Variants in SLFN13 observed in about 807,000 individuals in gnomAD.
The protein encoded by SLFN13 is schlafen-13.
A neutral mutation model predicts 50.6 loss-of-function variants in SLFN13; 43 were observed. The ratio of observed to expected loss-of-function variants is 0.85; its 90% CI spans 0.67 to 1.09. The LOEUF is 1.09. SLFN13 is among the 50% of genes least tolerant of loss of function. SLFN13 has a pLI of 0.00. For missense variants in SLFN13, 881 were observed against 1,071.1 expected (o/e 0.82, Z 2.48); for synonymous variants, 339 against 386.5 (o/e 0.88, Z 1.44).
At chr17:35,446,146 AAAG>A (rs1410484168) in intron 2 of SLFN13, 1 of 153,170 alleles carries the variant, frequency 6.5e-6, no homozygotes, top group East Asian at 1.9e-4. Context: ...AAGATAAGTA[AAAG>A]AAGACCACAT....
intron 2 of SLFN13, among the ~76,000 whole-genome samples, chr17:35,446,311 C>T (rs535296725): frequency 6.6e-6 from 1 of 152,246 alleles, no homozygotes; most frequent in East Asian, 1.9e-4. Context: ...TAGGTAATGA[C>T]TGGAAAGTGT....
intron 4 of SLFN13, among the ~76,000 whole-genome samples, chr17:35,442,765 CA>C (rs1912990365): frequency 6.6e-6 from 1 of 152,166 alleles, no homozygotes; most frequent in African/African-American, 2.4e-5. Flanking sequence ...CTTTAACCCA[CA>C]ACCTACAAAT....
rs1183893674 is a variant in SLFN13, at chr17:35,440,640, G to A, written c.2649C>T (p.Ile883=). 3 of 1,614,174 alleles carry A rather than the reference G, an allele frequency of 1.9e-6. No individual in the cohort carries two copies. The highest frequency in any genetic ancestry group is 2.5e-6 in the Non-Finnish European group (3 of 1,180,026). Residue 883 remains isoleucine (I), a synonymous_variant, in exon 6 of 6, where the codon ATC becomes ATT. Transcript: ENST00000285013. ...GCTGTTTTGCCCTGGAAGCCAGACA[G>A]ATCAGAATATTGGGTAAGATAGCTG... ...ADPAILPNIL[I]CLASRAKQHL... is the part of the protein sequence containing the mutation.
intron 3 of SLFN13, 51 bp from the exon 4 acceptor site, chr17:35,443,971 T>C (rs1288942531): frequency 6.3e-7 from 1 of 1,581,238 alleles, no homozygotes; most frequent in Non-Finnish European, 8.6e-7. Flanking sequence ...TGTCTCGCTA[T>C]TGGAATAGGC....
intron 4 of SLFN13, 121 bp from the exon 5 acceptor site, chr17:35,442,407 C>T: frequency 1.7e-6 from 2 of 1,156,186 alleles, no homozygotes; most frequent in Non-Finnish European, 2.4e-6. Flanking sequence ...AACAGAAATT[C>T]CTTCTGGTGC....
Position 35,444,611 on chromosome 17 carries a change from T to C in SLFN13, c.1066+4A>G, listed in dbSNP as rs1471942359. The C allele has an allele frequency of 6.2e-7, 1 of 1,612,376 alleles. No homozygotes were observed. The highest frequency in any genetic ancestry group is 1.7e-5 in the Admixed American group (1 of 59,980). On this transcript the variant is annotated splice_donor_region_variant and intron_variant, in intron 3 of 5. Coordinates refer to ENST00000285013, the MANE Select transcript of SLFN13 (RefSeq NM_144682.6). ...CAGGAAGGGAGAATCTGGTTCCCTCTTACCTGGATCTGCGTCCATCATTTT... is the reference window on the plus strand; with the variant it reads ...CAGGAAGGGAGAATCTGGTTCCCTCCTACCTGGATCTGCGTCCATCATTTT...
rs1344200145 is a variant in SLFN13 at position 35,439,474 on chromosome 17, A to ATT, written c.*1119_*1120dup. The ATT allele has an allele frequency of 9.8e-6, 1 of 101,740 alleles. No homozygotes were observed. The highest frequency in any genetic ancestry group is 3.1e-4 in the East Asian group (1 of 3,182). 6.3% of individuals were successfully genotyped at this position (101,740 alleles called of 1,614,324 possible). A position where few individuals can be genotyped will look rare whatever the true frequency, so the allele number is the denominator to read the frequency against. ...CAATGTAACAACATAAACTCACTGC[A>ATT]TTTTTTTTCTTCTTCTTCTTTTTGA... On this transcript the variant is annotated 3_prime_UTR_variant, in exon 6 of 6. Coordinates refer to ENST00000285013, the MANE Select transcript of SLFN13 (RefSeq NM_144682.6).
chr17:35,448,655 T>G (rs1295917947), intron 1 of SLFN13, 67 bp downstream of exon 1: 3 of 152,344 alleles, frequency 2.0e-5, no homozygotes, highest in Non-Finnish European at 4.4e-5. Flanking sequence ...CGTGCCGGAC[T>G]AGACCCTAGG....
rs1409111035 is a variant in SLFN13, at chr17:35,436,500, C to T, written c.*4095G>A. 2 of 151,902 alleles carry T rather than the reference C, an allele frequency of 1.3e-5. No individual in the cohort carries two copies. Among genetic ancestry groups the T allele is most frequent in the African/African-American group, 4.8e-5 (2 of 41,338 alleles). 9.4% of individuals were successfully genotyped at this position (151,902 alleles called of 1,614,324 possible). ...CCCCCTCCACACACACACACACACA[C>T]ACTTTATTAATTACAAAAAGCAAAT... On this transcript the variant is annotated 3_prime_UTR_variant, in exon 6 of 6. Transcript: ENST00000285013.
At position 35,440,800 on chromosome 17, in the gene SLFN13, A is replaced by G; in HGVS notation, c.2489T>C (p.Met830Thr). Residue 830 changes from methionine (M) to threonine (T), a missense_variant, in exon 6 of 6, where the codon ATG becomes ACG. By Grantham distance (81) the Met-to-Thr change is moderately conservative. Coordinates refer to ENST00000285013, the MANE Select transcript of SLFN13 (RefSeq NM_144682.6). ...GAGCTGCACCACCATTTTCTTCCTCATTGCTTTCAAGAGCTTAGACTGATA... is the reference window on the plus strand; with the variant it reads ...GAGCTGCACCACCATTTTCTTCCTCGTTGCTTTCAAGAGCTTAGACTGATA... ...EQYQSKLLKA[M>T]RKKMVVQLSD... 6.2e-7 allele frequency: 1 copy of G among 1,614,018 alleles called. No individual in the cohort carries two copies. Among genetic ancestry groups the G allele is most frequent in the Non-Finnish European group, 8.5e-7 (1 of 1,179,996 alleles).
Position 35,445,417 on chromosome 17 carries a change from C to A in SLFN13, c.264G>T (p.Gln88His). 1 of 1,614,184 alleles carries A rather than the reference C, an allele frequency of 6.2e-7. No homozygotes were observed. The highest frequency in any genetic ancestry group is 8.5e-7 in the Non-Finnish European group (1 of 1,180,032). ...DLEESLRKLI[Q>H]YPYLQAFFET... Reference sequence around the variant, plus strand: ...CAAAGAAAGCCTGCAAATATGGATACTGAATAAGCTTTCTCAAGGATTCTT... The same window carrying A: ...CAAAGAAAGCCTGCAAATATGGATAATGAATAAGCTTTCTCAAGGATTCTT... Residue 88 changes from glutamine to histidine, a missense_variant, in exon 3 of 6, where the codon CAG becomes CAT. Transcript: ENST00000285013.
intron 1 of SLFN13, 138 bp downstream of exon 1, chr17:35,448,584 C>CT: frequency 6.6e-6 from 1 of 150,632 alleles, no homozygotes; most frequent in East Asian, 2.0e-4. Flanking sequence ...CTGGCCGGAG[C>CT]TGGGGGGCGG....
At chr17:35,442,948 T>C (rs2142083940) in intron 4 of SLFN13, among the ~76,000 whole-genome samples, 1 of 152,332 alleles carries the variant, frequency 6.6e-6, no homozygotes, top group East Asian at 1.9e-4. Context: ...CTAATGACTA[T>C]AAAGCTCTCA....
At position 35,440,773 on chromosome 17, in the gene SLFN13, C is replaced by T. The variant is rs1046413634; in HGVS notation, c.2516G>A (p.Ser839Asn). 22 of 1,614,008 alleles carry T rather than the reference C, an allele frequency of 1.4e-5. No homozygotes were observed. The Admixed American group carries it at 2.5e-4, about 18-fold the overall frequency. Residue 839 changes from serine to asparagine, a missense_variant, in exon 6 of 6, where the codon AGT becomes AAT. By Grantham distance (46) the Ser-to-Asn change is conservative (BLOSUM62 1). Coordinates refer to ENST00000285013, the MANE Select transcript of SLFN13 (RefSeq NM_144682.6). Reference protein sequence around the residue: ...AMRKKMVVQLSDACDMLGVHI... With the variant: ...AMRKKMVVQLNDACDMLGVHI... ...CACACCCAACATATCACATGCATCA[C>T]TGAGCTGCACCACCATTTTCTTCCT...
In SLFN13 at chr17:35,444,622, T is replaced by G. The variant is rs1322967137; in HGVS notation, c.1059A>C (p.Ala353=). ...TEEWVEKMMD[A]DPEFPPDFAE... Reference sequence around the variant, plus strand: ...AATCTGGTTCCCTCTTACCTGGATCTGCGTCCATCATTTTCTCTACCCATT... The same window carrying G: ...AATCTGGTTCCCTCTTACCTGGATCGGCGTCCATCATTTTCTCTACCCATT... The change falls in exon 3 of 6, where the codon GCA becomes GCC. Residue 353 remains alanine (A), a synonymous_variant. Transcript: ENST00000285013. 3 of 1,613,482 alleles carry G rather than the reference T, an allele frequency of 1.9e-6. No individual in the cohort carries two copies. In the African/African-American group the frequency reaches 4.0e-5, roughly 22 times the overall value.
In SLFN13 at chr17:35,445,000, T is replaced by C. The variant is rs959259297; in HGVS notation, c.681A>G (p.Glu227=). The C allele has an allele frequency of 6.2e-7, 1 of 1,614,134 alleles. No individual in the cohort carries two copies. The highest frequency in any genetic ancestry group is 1.7e-5 in the Admixed American group (1 of 60,026). ...FSTKHIQQYV[E]NIIPEYISAF... is the part of the protein sequence containing the mutation. ...CAGAGATGTACTCTGGAATTATATT[T>C]TCTACATATTGTTGGATATGTTTTG... The change falls in exon 3 of 6, where the codon GAA becomes GAG. Residue 227 remains glutamate (E), a synonymous_variant. Coordinates refer to ENST00000285013, the MANE Select transcript of SLFN13 (RefSeq NM_144682.6).
chr17:35,445,783 T>A, intron 2 of SLFN13, 90 bp from the exon 3 acceptor site: 2 of 1,065,802 alleles, frequency 1.9e-6, no homozygotes, highest in Non-Finnish European at 2.6e-6. Flanking sequence ...AAAACGTGTC[T>A]AATATGTGCT....
intron 2 of SLFN13, among the ~76,000 whole-genome samples, chr17:35,446,293 G>T (rs1388010852): frequency 1.3e-5 from 2 of 152,208 alleles, no homozygotes; most frequent in African/African-American, 2.4e-5. Flanking sequence ...ACTGCTGACA[G>T]ATACAGCTAG....
chr17:35,440,276 T>G lies in SLFN13; in HGVS notation c.*319A>C. ...GAAAGGCCACAGGCTGAGTTTCTTA[T>G]TTTTATGGCTTTTACCCAGAGAGCA... On this transcript the variant is annotated 3_prime_UTR_variant, in exon 6 of 6. Coordinates refer to ENST00000285013, the MANE Select transcript of SLFN13 (RefSeq NM_144682.6). 1 of 274,312 alleles carries G rather than the reference T, an allele frequency of 3.6e-6. No individual in the cohort carries two copies. The highest frequency in any genetic ancestry group is 6.6e-5 in the East Asian group (1 of 15,078). The allele number at this position is 274,312 out of a possible 1,614,324, so 17.0% of individuals were successfully genotyped here.
Sources: allele counts gnomAD v4.1 joint callset (sites outside exome capture counted in the v4.1 genomes callset), GRCh38; gene constraint gnomAD v4.1.1; transcripts MANE v1.5; gene names NCBI Gene and HGNC (gene_info 2026-07-23, HGNC 2026-07-21).